Variants in HMCN1 observed in about 807,000 individuals in gnomAD.
HMCN1 encodes hemicentin-1.
HMCN1 carries 321 observed loss-of-function variants against 625.9 expected under a neutral mutation model. The ratio of observed to expected loss-of-function variants is 0.51; its 90% confidence interval spans 0.47 to 0.56. HMCN1 has a LOEUF of 0.56. Among genes scored for constraint, HMCN1 ranks in the 20% least tolerant of loss-of-function variants. The pLI, the probability that HMCN1 is intolerant of heterozygous loss-of-function variation, is 0.00. For synonymous variants in HMCN1, 2,425 were observed against 2,417.6 expected, an observed-to-expected ratio of 1.00 and a Z score of -0.09; for missense variants, 6,588 against 6,887.3, an observed-to-expected ratio of 0.96 and a Z score of 1.54.
intron 1 of HMCN1, among the ~76,000 whole-genome samples, chr1:185,795,707 G>A (rs539203225): frequency 1.3e-5 from 2 of 152,290 alleles, no homozygotes; most frequent in African/African-American, 4.8e-5. Flanking sequence ...AAAGCAGCAG[G>A]TTAAAGAATC....
intron 35 of HMCN1, 39 bp downstream of exon 35, chr1:186,019,734 A>T: frequency 6.5e-7 from 1 of 1,528,300 alleles, no homozygotes. Context: ...TGGGAAAGCT[A>T]CATATATCTT....
chr1:186,118,681 C>T (rs917160973), intron 77 of HMCN1, among the ~76,000 whole-genome samples: 5 of 152,244 alleles, frequency 3.3e-5, no homozygotes, highest in Middle Eastern at 3.4e-3. Context: ...TAAAAAGGAA[C>T]AAAATATTGA....
intron 1 of HMCN1, among the ~76,000 whole-genome samples, chr1:185,822,220 T>C (rs1353268317): frequency 6.6e-6 from 1 of 152,044 alleles, no homozygotes; most frequent in Non-Finnish European, 1.5e-5. Flanking sequence ...TTGATAATGA[T>C]GTGTCAATGT....
chr1:185,839,112 A>T (rs898733826), intron 1 of HMCN1, among the ~76,000 whole-genome samples: 2 of 152,176 alleles, frequency 1.3e-5, no homozygotes, highest in Non-Finnish European at 2.9e-5. Context: ...AAATTTCAAC[A>T]ATGTTTAATG....
At position 185,734,887 on chromosome 1, in the gene HMCN1, C is replaced by G. The variant is rs1653450530; in HGVS notation, c.108C>G (p.Pro36=). The change falls in exon 1 of 107, where the codon CCC becomes CCG. Residue 36 remains proline, a synonymous_variant. Coordinates refer to ENST00000271588, the MANE Select transcript of HMCN1 (RefSeq NM_031935.3). The part of the protein sequence containing the change: ...PQSEIRAEEI[P]EGASTLAFVF... ...CAGAGATCAGAGCTGAGGAAATTCCCGAGGGGGCCTCCACGTTGGCTTTTG... is the reference window on the plus strand; with the variant it reads ...CAGAGATCAGAGCTGAGGAAATTCCGGAGGGGGCCTCCACGTTGGCTTTTG... 5 of 1,614,116 alleles carry G rather than the reference C, an allele frequency of 3.1e-6. No homozygotes were observed. The highest frequency in any genetic ancestry group is 4.2e-6 in the Non-Finnish European group (5 of 1,180,008).
At chr1:185,938,463 G>A (rs1339875913) in intron 11 of HMCN1, among the ~76,000 whole-genome samples, 1 of 151,832 alleles carries the variant, frequency 6.6e-6, no homozygotes, top group African/African-American at 2.4e-5. Context: ...TGCTTTTAGG[G>A]TCTGAATACT....
At chr1:186,154,874 C>T (rs911484268) in intron 97 of HMCN1, among the ~76,000 whole-genome samples, 1 of 152,124 alleles carries the variant, frequency 6.6e-6, no homozygotes, top group African/African-American at 2.4e-5. Flanking sequence ...CCTGAGATTC[C>T]CTTTTCAGTC....
rs150686648 is a variant in HMCN1 at position 185,913,633 on chromosome 1, A to C, written c.900+1853A>C. On this transcript the variant is annotated intron_variant, in intron 6 of 106. Coordinates refer to ENST00000271588, the MANE Select transcript of HMCN1 (RefSeq NM_031935.3). Reference sequence around the variant, plus strand: ...CGTGAGGCCATTCTTCCATGTTAGTAGCAATTTATTGTGCAGTACTTGTAC... The same window carrying C: ...CGTGAGGCCATTCTTCCATGTTAGTCGCAATTTATTGTGCAGTACTTGTAC... Among the ~76,000 whole-genome samples the C allele has an allele frequency of 3.5e-3, 535 of 152,254 alleles. 3 individuals carry two copies. The highest frequency in any genetic ancestry group is 0.012 in the African/African-American group (517 of 41,574).
At chr1:185,797,174 C>T (rs941467197) in intron 1 of HMCN1, among the ~76,000 whole-genome samples, 1 of 152,174 alleles carries the variant, frequency 6.6e-6, no homozygotes, top group African/African-American at 2.4e-5. Flanking sequence ...GTCCTTTGCT[C>T]ATTTTTGTTA....
At chr1:186,037,431 A>G (rs1655907985) in intron 36 of HMCN1, among the ~76,000 whole-genome samples, 1 of 152,214 alleles carries the variant, frequency 6.6e-6, no homozygotes, top group African/African-American at 2.4e-5. Context: ...TTTTGTGAAT[A>G]ACTTAAGTCT....
chr1:186,098,249 A>G (rs1660228716), intron 68 of HMCN1, among the ~76,000 whole-genome samples: 1 of 152,170 alleles, frequency 6.6e-6, no homozygotes, highest in African/African-American at 2.4e-5. Context: ...GGAAACATTC[A>G]ACAAAGTGAA....
intron 30 of HMCN1, 72 bp from the exon 31 acceptor site, chr1:186,015,087 C>A (rs539129233): frequency 1.5e-6 from 2 of 1,310,592 alleles, no homozygotes; most frequent in East Asian, 2.3e-5. Context: ...GTTTAAACAT[C>A]TATAGCATTT....
At position 186,145,905 on chromosome 1, in the gene HMCN1, A is replaced by G; in HGVS notation, c.14590A>G (p.Asn4864Asp). Reference sequence around the variant, plus strand: ...AGACACTACTCAGGTGACCAGGTGCAATGTACAAGCATGTCCAGGTAAGCA... The same window carrying G: ...AGACACTACTCAGGTGACCAGGTGCGATGTACAAGCATGTCCAGGTAAGCA... ...PGDTTQVTRC[N>D]VQACPGGPQR... The change falls in exon 93 of 107, where the codon AAT (asparagine) becomes GAT (aspartate). Residue 4864 changes from asparagine (N) to aspartate (D), a missense_variant. Physicochemically the swap from Asn to Asp is conservative, Grantham distance 23. Around this residue, in one of 3 missense-constraint regions of HMCN1, gnomAD observed 1,954 missense variants for 2,013.1 expected, o/e 0.97. Coordinates refer to ENST00000271588, the MANE Select transcript of HMCN1 (RefSeq NM_031935.3). 6.2e-7 allele frequency: 1 copy of G among 1,614,076 alleles called. No individual in the cohort carries two copies. Among genetic ancestry groups the G allele is most frequent in the Non-Finnish European group, 8.5e-7 (1 of 1,179,982 alleles).
At position 185,958,680 on chromosome 1, in the gene HMCN1, G is replaced by C. The variant is rs77493637; in HGVS notation, c.1829-3838G>C. On this transcript the variant is annotated intron_variant, in intron 11 of 106. Coordinates refer to ENST00000271588, the MANE Select transcript of HMCN1 (RefSeq NM_031935.3). ...TGGCTAGTCCATAATAATGCTATGA[G>C]GTAGGTACTATTATTTCCCATTAAG... Among the ~76,000 whole-genome samples the C allele has an allele frequency of 2.6e-4, 39 of 152,250 alleles. No individual in the cohort carries two copies. The East Asian group carries it at 6.4e-3, about 25-fold the overall frequency.
chr1:186,173,649 A>AAAAG (rs1553309870), intron 102 of HMCN1, among the ~76,000 whole-genome samples: 1 of 151,066 alleles, frequency 6.6e-6, no homozygotes, highest in Admixed American at 6.6e-5. Flanking sequence ...TCAAAAAAAA[A>AAAAG]AAAAAAGAAA....
intron 27 of HMCN1, 77 bp from the exon 28 acceptor site, chr1:186,001,517 T>TAAACATTC: frequency 6.3e-7 from 1 of 1,598,382 alleles, no homozygotes; most frequent in South Asian, 1.1e-5. Context: ...ACTAATAATA[T>TAAACATTC]AAACATTCTA....
chr1:185,844,891 AC>A (rs1354737414), intron 1 of HMCN1, among the ~76,000 whole-genome samples: 1 of 152,244 alleles, frequency 6.6e-6, no homozygotes, highest in Non-Finnish European at 1.5e-5. Flanking sequence ...GCTGGATCCA[AC>A]CAAAAATACA....
chr1:185,840,961 C>A (rs1413379367), intron 1 of HMCN1, among the ~76,000 whole-genome samples: 1 of 152,044 alleles, frequency 6.6e-6, no homozygotes, highest in Admixed American at 6.6e-5. Context: ...TATCAAGGAA[C>A]CACTTTGAGT....
chr1:185,874,271 A>G (rs190502000), intron 4 of HMCN1, among the ~76,000 whole-genome samples: 48 of 152,166 alleles, frequency 3.2e-4, no homozygotes, highest in African/African-American at 1.1e-3. Flanking sequence ...CCAAACATAT[A>G]TCATGATTTA....
Sources: gnomAD v4.1 joint callset for allele counts (sites outside exome capture counted in the v4.1 genomes callset) on GRCh38, gnomAD v4.1.1 for gene constraint, gnomAD v4.1.1 regional missense constraint, MANE v1.5 for transcripts, NCBI Gene and HGNC (gene_info 2026-07-23, HGNC 2026-07-21) for gene names.